SIPA1L3: variants seen among roughly 807,000 people sequenced by gnomAD.
SIPA1L3 encodes signal-induced proliferation-associated 1-like protein 3.
Under a neutral mutation model 150.1 loss-of-function variants are expected in SIPA1L3, and 59 were observed. That is an observed-to-expected ratio of 0.39 (90% CI 0.32 to 0.49). The LOEUF is 0.49. Ranked by LOEUF, SIPA1L3 falls within the 20% of genes least tolerant of loss-of-function variation. The pLI is 0.86. For synonymous variants in SIPA1L3, 1,070 were observed against 1,077.6 expected, an observed-to-expected ratio of 0.99 and a Z score of 0.14; for missense variants, 2,211 against 2,489.5, an observed-to-expected ratio of 0.89 and a Z score of 2.38.
intron 1 of SIPA1L3, among the ~76,000 whole-genome samples, chr19:38,025,229 C>A (rs950078039): frequency 3.9e-5 from 6 of 152,234 alleles, no homozygotes; most frequent in Non-Finnish European, 7.3e-5. Context: ...GCCTTTCCCC[C>A]TTACATTATC....
At chr19:37,970,917 T>A (rs1485081504) in intron 1 of SIPA1L3, among the ~76,000 whole-genome samples, 1 of 152,166 alleles carries the variant, frequency 6.6e-6, no homozygotes, top group African/African-American at 2.4e-5. Context: ...GTCTTGTTGC[T>A]CCCTGTTCCT....
chr19:38,121,122 G>A (rs1248958039), intron 9 of SIPA1L3, among the ~76,000 whole-genome samples: 2 of 151,730 alleles, frequency 1.3e-5, no homozygotes, highest in African/African-American at 4.8e-5. Context: ...AGAAAGGATT[G>A]CTTGAGCCCA....
At position 38,082,166 on chromosome 19, in the gene SIPA1L3, G is replaced by A. The variant is rs753774899; in HGVS notation, c.601G>A (p.Glu201Lys). 6.2e-7 allele frequency: 1 copy of A among 1,605,194 alleles called. No homozygotes were observed. The highest frequency in any genetic ancestry group is 8.5e-7 in the Non-Finnish European group (1 of 1,179,696). Residue 201 changes from glutamate (E) to lysine (K), a missense_variant, in exon 3 of 22, where the codon GAG (glutamate) becomes AAG (lysine). By Grantham distance (56) the Glu-to-Lys change is moderately conservative. Around this residue, in one of 5 missense-constraint regions of SIPA1L3, gnomAD observed 587 missense variants for 534.5 expected, o/e 1.10. Coordinates refer to ENST00000222345, the MANE Select transcript of SIPA1L3 (RefSeq NM_015073.3). ...CACGGGGGCGCTGCCCCTCTTCCGC[G>A]AGTACGGGAGCACCTCGTCCATCGA... is the stretch of plus-strand genomic sequence containing the variant. ...RHTGALPLFREYGSTSSIDVQ... is the reference protein window; with the variant it reads ...RHTGALPLFRKYGSTSSIDVQ...
Position 38,208,161 on chromosome 19 carries a change from T to C in SIPA1L3, c.*1921T>C, listed in dbSNP as rs1973269945. On this transcript the variant is annotated 3_prime_UTR_variant, in exon 22 of 22. Coordinates refer to ENST00000222345, the MANE Select transcript of SIPA1L3 (RefSeq NM_015073.3). ...TTTGTTTTCTGTTATTTTTTAAGGATTTCTGCAAAAACAGATCTATTTAAT... is the reference window on the plus strand; with the variant it reads ...TTTGTTTTCTGTTATTTTTTAAGGACTTCTGCAAAAACAGATCTATTTAAT... The C allele has an allele frequency of 6.6e-6, 1 of 152,474 alleles. No individual in the cohort carries two copies. Among genetic ancestry groups the C allele is most frequent in the Non-Finnish European group, 1.5e-5 (1 of 68,014 alleles). The allele number at this position is 152,474 out of a possible 1,614,324, so 9.4% of individuals were successfully genotyped here.
chr19:38,045,021 T>G (rs566596269), intron 2 of SIPA1L3, among the ~76,000 whole-genome samples: 2 of 152,290 alleles, frequency 1.3e-5, no homozygotes, highest in East Asian at 3.9e-4. Flanking sequence ...TGTTACAAGT[T>G]AAATCCTATC....
chr19:37,915,177 G>T (rs2046405629), intron 1 of SIPA1L3, among the ~76,000 whole-genome samples: 1 of 152,174 alleles, frequency 6.6e-6, no homozygotes, highest in Admixed American at 6.5e-5. Flanking sequence ...ACACGATAGG[G>T]ATGGTTTGGT....
chr19:38,181,864 G>GT (rs924557501), intron 15 of SIPA1L3, among the ~76,000 whole-genome samples: 2 of 129,642 alleles, frequency 1.5e-5, no homozygotes, highest in African/African-American at 8.0e-5. Context: ...AAAAAAAAAA[G>GT]GTTAAGGGCC....
At chr19:38,084,176 A>G (rs151205619) in intron 3 of SIPA1L3, among the ~76,000 whole-genome samples, 51 of 152,224 alleles carry the variant, frequency 3.4e-4, no homozygotes, top group African/African-American at 1.1e-3. Context: ...CTCCACACCA[A>G]GATGGCTGCT....
intron 3 of SIPA1L3, among the ~76,000 whole-genome samples, chr19:38,085,807 C>T (rs1207062014): frequency 6.6e-6 from 1 of 152,156 alleles, no homozygotes; most frequent in African/African-American, 2.4e-5. Flanking sequence ...CCAGCCTGGC[C>T]AGCATGGTGA....
chr19:37,930,690 T>A (rs2046545788), intron 1 of SIPA1L3, among the ~76,000 whole-genome samples: 1 of 152,142 alleles, frequency 6.6e-6, no homozygotes, highest in Non-Finnish European at 1.5e-5. Flanking sequence ...TTGGGCTCCC[T>A]GTTTTACTTT....
At chr19:38,190,975 C>T (rs908679793) in intron 16 of SIPA1L3, among the ~76,000 whole-genome samples, 12 of 152,184 alleles carry the variant, frequency 7.9e-5, no homozygotes, top group Non-Finnish European at 1.5e-4. Flanking sequence ...TGCAGCCTGG[C>T]GGCCTTGATT....
intron 1 of SIPA1L3, among the ~76,000 whole-genome samples, chr19:38,023,801 C>G (rs1174683558): frequency 6.6e-6 from 1 of 152,208 alleles, no homozygotes; most frequent in African/African-American, 2.4e-5. Context: ...GTGCCTGTGG[C>G]CAGGCCCTCT....
chr19:37,950,656 T>G (rs1190485062), intron 1 of SIPA1L3, among the ~76,000 whole-genome samples: 1 of 151,612 alleles, frequency 6.6e-6, no homozygotes, highest in African/African-American at 2.4e-5. Flanking sequence ...TCATGAAGGC[T>G]GCGCGGGGCC....
intron 15 of SIPA1L3, among the ~76,000 whole-genome samples, chr19:38,174,641 G>A (rs1473140397): frequency 6.6e-6 from 1 of 152,084 alleles, no homozygotes; most frequent in African/African-American, 2.4e-5. Context: ...CCTGAGGTCA[G>A]GAGTTTGAGA....
At chr19:38,205,639 C>T (rs1408662424) in intron 21 of SIPA1L3, among the ~76,000 whole-genome samples, 1 of 152,136 alleles carries the variant, frequency 6.6e-6, no homozygotes, top group Admixed American at 6.6e-5. Context: ...AGGTCCCTGC[C>T]TTTCGGGGGC....
At chr19:38,083,408 A>G (rs1970053096) in intron 3 of SIPA1L3, among the ~76,000 whole-genome samples, 4 of 152,272 alleles carry the variant, frequency 2.6e-5, no homozygotes, top group Admixed American at 1.3e-4. Context: ...ATGTAGTATC[A>G]ACCAGCTTAA....
At chr19:38,174,554 G>T (rs1439769294) in intron 15 of SIPA1L3, among the ~76,000 whole-genome samples, 1 of 152,098 alleles carries the variant, frequency 6.6e-6, no homozygotes, top group African/African-American at 2.4e-5. Flanking sequence ...GTAAAATGGG[G>T]GTAATAGGAT....
At chr19:38,108,567 C>T (rs1431181405) in intron 7 of SIPA1L3, 1 of 152,256 alleles carries the variant, frequency 6.6e-6, no homozygotes, top group East Asian at 1.9e-4. Context: ...AGGAGTTGAG[C>T]TGCAAAGCGT....
intron 1 of SIPA1L3, among the ~76,000 whole-genome samples, chr19:37,996,850 C>G (rs1049369159): frequency 6.6e-6 from 1 of 152,088 alleles, no homozygotes; most frequent in Non-Finnish European, 1.5e-5. Flanking sequence ...GCACCCACTA[C>G]GACGCCCAGC....
Sources: gnomAD v4.1 joint callset for allele counts (sites outside exome capture counted in the v4.1 genomes callset) on GRCh38, gnomAD v4.1.1 for gene constraint, gnomAD v4.1.1 regional missense constraint, MANE v1.5 for transcripts, NCBI Gene and HGNC (gene_info 2026-07-23, HGNC 2026-07-21) for gene names.